Variants in ZNF8 observed in about 807,000 individuals in gnomAD.
ZNF8 encodes the protein zinc finger protein 272.
A neutral mutation model predicts 12.2 loss-of-function variants in ZNF8; 9 were observed. The ratio of observed to expected loss-of-function variants is 0.73; its 90% CI spans 0.44 to 1.28. The LOEUF (loss-of-function observed/expected upper bound fraction) is 1.28, where lower values mean the gene tolerates loss of function less well. Among genes scored for constraint, ZNF8 ranks in the 50% most tolerant of loss-of-function variants. The pLI, the probability that ZNF8 is intolerant of heterozygous loss-of-function variation, is 0.00. For synonymous variants in ZNF8, 274 were observed against 282.3 expected (o/e 0.97, Z 0.30); for missense variants, 664 against 729.1 (o/e 0.91, Z 1.03).
chr19:58,279,972 G>T, intron 1 of ZNF8: 1 of 850,532 alleles, frequency 1.2e-6, no homozygotes, highest in Non-Finnish European at 1.6e-6. Flanking sequence ...TTAGGTTGCA[G>T]GTTTTCAGAT....
chr19:58,286,140 C>T lies in ZNF8; in HGVS notation c.224C>T (p.Ser75Phe), dbSNP rs771776327. ...GAGCTTCCGAAGCCTGAAGTCATCT[C>T]CCAGCTGGAGCAAGGGACCGAGCTA... ...GPELPKPEVI[S>F]QLEQGTELWV... Residue 75 changes from serine to phenylalanine, a missense_variant, in exon 3 of 4, where the codon TCC (serine) becomes TTC (phenylalanine). Ser to Phe is a radical substitution (Grantham distance 155). Transcript: ENST00000621650. 1 of 1,614,134 alleles carries T rather than the reference C, an allele frequency of 6.2e-7. No homozygotes were observed. Among genetic ancestry groups the T allele is most frequent in the South Asian group, 1.1e-5 (1 of 91,060 alleles).
Position 58,279,908 on chromosome 19 carries a change from T to A in ZNF8, c.66+761T>A, listed in dbSNP as rs985737463. ...TTTTTATTTTTTGTCGTTGGTTTGT[T>A]CATGGGGATTTGCATTATTTCAGAT... On this transcript the variant is annotated intron_variant, in intron 1 of 3. Coordinates refer to ENST00000621650, the MANE Select transcript of ZNF8 (RefSeq NM_021089.3). 14 of 1,195,652 alleles carry A rather than the reference T, an allele frequency of 1.2e-5. No individual in the cohort carries two copies. In the African/African-American group the frequency reaches 1.6e-4, roughly 14 times the overall value. 74.1% of individuals were successfully genotyped at this position (1,195,652 alleles called of 1,614,324 possible).
At position 58,296,600 on chromosome 19, in the gene ZNF8, T is replaced by C. The variant is rs555756494; in HGVS notation, c.*1064T>C. ...GGTAGAAATGGGGTGTTGGCCAGGC[T>C]GATCTCAAACTCCTGACCTCGTGAT... is the stretch of plus-strand genomic sequence containing the variant. On this transcript the variant is annotated 3_prime_UTR_variant, in exon 4 of 4. Coordinates refer to ENST00000621650, the MANE Select transcript of ZNF8 (RefSeq NM_021089.3). The C allele has an allele frequency of 6.6e-6, 1 of 152,196 alleles. No individual in the cohort carries two copies. Among genetic ancestry groups the C allele is most frequent in the East Asian group, 1.9e-4 (1 of 5,172 alleles). The allele number at this position is 152,196 out of a possible 1,614,324, so 9.4% of individuals were successfully genotyped here.
In ZNF8 at chr19:58,285,847, A is replaced by G; in HGVS notation, c.193+4A>G. ...TTTGGTCACCTGCTCTCCATAGGTA[A>G]GCCCTGCTTCGCAAGGTGTGATAGC... On this transcript the variant is annotated splice_donor_region_variant and intron_variant, in intron 2 of 3. Transcript: ENST00000621650. 6.2e-7 allele frequency: 1 copy of G among 1,605,878 alleles called. No individual in the cohort carries two copies. The highest frequency in any genetic ancestry group is 8.5e-7 in the Non-Finnish European group (1 of 1,175,498).
chr19:58,294,250 C>T lies in ZNF8; in HGVS notation c.442C>T (p.Leu148=). The T allele has an allele frequency of 2.5e-6, 4 of 1,614,144 alleles. No individual in the cohort carries two copies. The highest frequency in any genetic ancestry group is 2.5e-6 in the Non-Finnish European group (3 of 1,180,024). ...AGACAGGGAGTGTCAGAGCCAGAGT[C>T]TGGCACTCAAGGAGCAGAATAACTT... ...GKDRECQSQS[L]ALKEQNNLKQ... The change falls in exon 4 of 4, where the codon CTG becomes TTG. Residue 148 remains leucine, a synonymous_variant. Transcript: ENST00000621650. The surrounding 1 kb of genome is among the most constrained non-coding windows in gnomAD (Gnocchi z 5.5).
chr19:58,283,136 T>C (rs138635666), intron 1 of ZNF8, among the ~76,000 whole-genome samples: 1 of 151,620 alleles, frequency 6.6e-6, no homozygotes, highest in Admixed American at 6.6e-5. Flanking sequence ...CTGGCTAATT[T>C]TTTTCAAATT....
intron 3 of ZNF8, among the ~76,000 whole-genome samples, chr19:58,287,691 G>A (rs2051392377): frequency 7.0e-6 from 1 of 142,494 alleles, no homozygotes; most frequent in African/African-American, 2.6e-5. Context: ...GCACAGGCTG[G>A]AGTACAGTTG....
At position 58,300,608 on chromosome 19, in the gene ZNF8, G is replaced by T. The variant is rs1417997107; in HGVS notation, c.*5072G>T. ...AGAAAAGTCCTGGGAAGTGGATGATGGAGGCAGCTAGCCGTAGCTGCTGCT... is the reference window on the plus strand; with the variant it reads ...AGAAAAGTCCTGGGAAGTGGATGATTGAGGCAGCTAGCCGTAGCTGCTGCT... On this transcript the variant is annotated 3_prime_UTR_variant, in exon 4 of 4. Transcript: ENST00000621650. 1 of 152,128 alleles carries T rather than the reference G, an allele frequency of 6.6e-6. No homozygotes were observed. Among genetic ancestry groups the T allele is most frequent in the Non-Finnish European group, 1.5e-5 (1 of 68,064 alleles). 9.4% of individuals were successfully genotyped at this position (152,128 alleles called of 1,614,324 possible). A position where few individuals can be genotyped will look rare whatever the true frequency, so the allele number is the denominator to read the frequency against.
rs760646096 is a variant in ZNF8, at chr19:58,279,478, G to A, written c.66+331G>A. 32 of 1,465,544 alleles carry A rather than the reference G, an allele frequency of 2.2e-5. No homozygotes were observed. In the African/African-American group the frequency reaches 4.5e-4, roughly 21 times the overall value. 90.8% of individuals were successfully genotyped at this position (1,465,544 alleles called of 1,614,324 possible). A position where few individuals can be genotyped will look rare whatever the true frequency, so the allele number is the denominator to read the frequency against. ...CCGACACCCTTGCCCATTCCAGGAA[G>A]GTCTGTCCTCGTGTTGACTGATAAC... On this transcript the variant is annotated intron_variant, in intron 1 of 3. Transcript: ENST00000621650.
At chr19:58,281,929 G>A (rs1475874609) in intron 1 of ZNF8, among the ~76,000 whole-genome samples, 3 of 151,986 alleles carry the variant, frequency 2.0e-5, no homozygotes, top group South Asian at 4.2e-4. Flanking sequence ...CCTGGCCAAC[G>A]TGGTGCAACC....
intron 1 of ZNF8, among the ~76,000 whole-genome samples, chr19:58,284,236 A>T (rs1024888966): frequency 8.5e-5 from 13 of 152,236 alleles, no homozygotes; most frequent in African/African-American, 3.1e-4. Context: ...AGAAAAAAAA[A>T]ATAATAAATT....
chr19:58,294,006 C>T lies in ZNF8; in HGVS notation c.290-92C>T. 8.1e-7 allele frequency: 1 copy of T among 1,230,456 alleles called. No homozygotes were observed. The highest frequency in any genetic ancestry group is 1.5e-5 in the African/African-American group (1 of 66,262). 76.2% of individuals were successfully genotyped at this position (1,230,456 alleles called of 1,614,324 possible). On this transcript the variant is annotated intron_variant, in intron 3 of 3. Coordinates refer to ENST00000621650, the MANE Select transcript of ZNF8 (RefSeq NM_021089.3). The surrounding 1 kb of genome is among the most constrained non-coding windows in gnomAD (Gnocchi z 5.5). ...ACTTGCCAGGGCAGCTGGTTAGGAC[C>T]CCATTTCAATATCAGGCCTATGGTG...
chr19:58,279,203 A>G, intron 1 of ZNF8, 56 bp downstream of exon 1: 1 of 1,540,544 alleles, frequency 6.5e-7, no homozygotes, highest in Non-Finnish European at 8.7e-7. Context: ...TCTCCCGCGC[A>G]GACTGACCCT....
At chr19:58,283,021 A>C (rs1299414886) in intron 1 of ZNF8, among the ~76,000 whole-genome samples, 3 of 146,344 alleles carry the variant, frequency 2.0e-5, no homozygotes, top group African/African-American at 5.1e-5. Flanking sequence ...CTGGTTGCTT[A>C]GGCTGGAGTG....
At chr19:58,288,918 C>T (rs1360387449) in intron 3 of ZNF8, among the ~76,000 whole-genome samples, 2 of 152,096 alleles carry the variant, frequency 1.3e-5, no homozygotes, top group Non-Finnish European at 2.9e-5. Flanking sequence ...TCACCCTGGA[C>T]ATATGCCTGT....
chr19:58,283,535 C>T (rs2051363208), intron 1 of ZNF8, among the ~76,000 whole-genome samples: 1 of 151,954 alleles, frequency 6.6e-6, no homozygotes, highest in South Asian at 2.1e-4. Flanking sequence ...ACAAGAAGGC[C>T]CTCACCAGAT....
At chr19:58,286,012 C>T in intron 2 of ZNF8, 98 bp from the exon 3 acceptor site, 1 of 1,406,344 alleles carries the variant, frequency 7.1e-7, no homozygotes, top group Non-Finnish European at 9.9e-7. Context: ...TTGTGAGGTG[C>T]CCACGTGTCC....
Position 58,299,777 on chromosome 19 carries a change from T to C in ZNF8, c.*4241T>C, listed in dbSNP as rs1323201133. ...GAGCTAGACTCCATCTCGAAAAAAA[T>C]AAAAGAACTTCCCGTGTCCGTTTTT... On this transcript the variant is annotated 3_prime_UTR_variant, in exon 4 of 4. Coordinates refer to ENST00000621650, the MANE Select transcript of ZNF8 (RefSeq NM_021089.3). 6.6e-6 allele frequency: 1 copy of C among 151,542 alleles called. No homozygotes were observed. The highest frequency in any genetic ancestry group is 1.5e-5 in the Non-Finnish European group (1 of 67,898). The allele number at this position is 151,542 out of a possible 1,614,324, so 9.4% of individuals were successfully genotyped here.
rs750082510 is a variant in ZNF8 at position 58,295,489 on chromosome 19, C to T, written c.1681C>T (p.Pro561Ser). The T allele has an allele frequency of 2.5e-6, 4 of 1,610,064 alleles. No homozygotes were observed. In the South Asian group the frequency reaches 4.4e-5, roughly 18 times the overall value. ...NPVHVIGVEEPSVGASMLFDI... is the reference protein window; with the variant it reads ...NPVHVIGVEESSVGASMLFDI... ...TGTGCACGTTATTGGGGTGGAAGAG[C>T]CTTCTGTGGGTGCTTCCATGTTATT... Residue 561 changes from proline (P) to serine (S), a missense_variant, in exon 4 of 4, where the codon CCT becomes TCT. This residue lies in a region of ZNF8 where 225 missense variants were observed against 222.0 expected (regional missense o/e 1.01). Transcript: ENST00000621650.
Sources: allele counts gnomAD v4.1 joint callset (sites outside exome capture counted in the v4.1 genomes callset), GRCh38; gene constraint gnomAD v4.1.1; regional missense constraint gnomAD v4.1.1; non-coding constraint Gnocchi (gnomAD v3.1); transcripts MANE v1.5; gene names NCBI Gene and HGNC (gene_info 2026-07-23, HGNC 2026-07-21).